Variants in CTNNA2 observed in about 807,000 individuals in gnomAD.
The protein encoded by CTNNA2 is catenin alpha-2.
CTNNA2 carries 42 observed loss-of-function variants against 101.0 expected under a neutral mutation model. The ratio of observed to expected loss-of-function variants is 0.42; its 90% confidence interval spans 0.32 to 0.54. CTNNA2 has a LOEUF of 0.54. CTNNA2 is among the 20% of genes least tolerant of loss of function. The pLI, the probability that CTNNA2 is intolerant of heterozygous loss-of-function variation, is 0.14. For synonymous variants in CTNNA2, 450 were observed against 456.4 expected (o/e 0.99, Z 0.18); for missense variants, 871 against 1,223.1 (o/e 0.71, Z 4.29).
intron 3 of CTNNA2, among the ~76,000 whole-genome samples, chr2:79,790,001 C>A (rs1675146464): frequency 6.6e-6 from 1 of 151,918 alleles, no homozygotes; most frequent in South Asian, 2.1e-4. Context: ...AAAAACAGAT[C>A]ATATGAATAA....
At chr2:79,232,225 T>G (rs1028024857) in intron 2 of CTNNA2, among the ~76,000 whole-genome samples, 2 of 152,198 alleles carry the variant, frequency 1.3e-5, no homozygotes, top group African/African-American at 4.8e-5. Context: ...TTTTGAGGTA[T>G]GTTTCTTCAA....
chr2:80,370,233 G>T (rs1335450433), intron 7 of CTNNA2, among the ~76,000 whole-genome samples: 2 of 150,660 alleles, frequency 1.3e-5, no homozygotes, highest in African/African-American at 4.9e-5. Flanking sequence ...AAAAAATATT[G>T]TATATGAACA....
At chr2:79,490,918 C>A (rs1039038295) in intron 4 of CTNNA2, among the ~76,000 whole-genome samples, 4 of 152,146 alleles carry the variant, frequency 2.6e-5, no homozygotes, top group African/African-American at 9.7e-5. Context: ...TTTCCCCATA[C>A]CCCATTGTGA....
chr2:79,509,684 G>A (rs369631753), upstream of CTNNA2, among the ~76,000 whole-genome samples: 4 of 152,210 alleles, frequency 2.6e-5, no homozygotes, highest in East Asian at 1.9e-4. Context: ...GATACATGTC[G>A]TTATACTTCT....
intron 4 of CTNNA2, among the ~76,000 whole-genome samples, chr2:79,440,239 A>G (rs1678762849): frequency 6.6e-6 from 1 of 152,166 alleles, no homozygotes; most frequent in Non-Finnish European, 1.5e-5. Flanking sequence ...GTATCCACTT[A>G]TGATTTGCTA....
At position 80,576,897 on chromosome 2, in the gene CTNNA2, C is replaced by T. The variant is rs560914473; in HGVS notation, c.1893+2583C>T. Among the ~76,000 whole-genome samples the T allele has an allele frequency of 4.9e-3, 746 of 151,498 alleles. 4 individuals carry two copies. The highest frequency in any genetic ancestry group is 7.5e-3 in the Non-Finnish European group (509 of 67,888). ...AGGAGAATTGCTTGAACCTGGGAGG[C>T]GGAGGTTACAGTTTAACTTCACGTC... On this transcript the variant is annotated intron_variant, in intron 13 of 18. Transcript: ENST00000402739.
intron 8 of CTNNA2, among the ~76,000 whole-genome samples, chr2:80,397,752 C>T (rs1678157962): frequency 6.6e-6 from 1 of 152,124 alleles, no homozygotes. Context: ...CAGACCAGTA[C>T]AGCACCCATG....
chr2:79,582,485 C>G (rs992919965), intron 1 of CTNNA2, among the ~76,000 whole-genome samples: 6 of 152,110 alleles, frequency 3.9e-5, no homozygotes, highest in Admixed American at 1.3e-4. Flanking sequence ...CATTTTATCT[C>G]CGCATGCTCA....
chr2:80,632,732 G>A (rs879880637), intron 18 of CTNNA2, among the ~76,000 whole-genome samples: 9 of 152,102 alleles, frequency 5.9e-5, no homozygotes, highest in East Asian at 3.9e-4. Context: ...CTGAGGCACC[G>A]AGGAGTTCTA....
At chr2:79,486,372 G>A (rs1671157702) in intron 4 of CTNNA2, among the ~76,000 whole-genome samples, 1 of 151,966 alleles carries the variant, frequency 6.6e-6, no homozygotes, top group South Asian at 2.1e-4. Context: ...ATGGTTTCCA[G>A]CTTCATCCAT....
intron 3 of CTNNA2, among the ~76,000 whole-genome samples, chr2:79,800,494 T>C (rs1320440516): frequency 3.3e-5 from 5 of 152,052 alleles, no homozygotes; most frequent in Non-Finnish European, 7.4e-5. Context: ...AATTGAAAAA[T>C]ACAGGAAATG....
intron 4 of CTNNA2, among the ~76,000 whole-genome samples, chr2:79,418,632 C>T (rs1403662908): frequency 1.3e-5 from 2 of 152,104 alleles, no homozygotes; most frequent in African/African-American, 2.4e-5. Context: ...CTCTCAGCAT[C>T]AGTATCTTTA....
intron 1 of CTNNA2, among the ~76,000 whole-genome samples, chr2:79,580,705 T>C (rs1248749394): frequency 6.6e-6 from 1 of 152,176 alleles, no homozygotes. Context: ...TATAAGGAAA[T>C]GTATGAAGAC....
At position 79,884,810 on chromosome 2, in the gene CTNNA2, G is replaced by A. The variant is rs189822501; in HGVS notation, c.852+10468G>A. ...AATTCTCTTTCCGATCTGGTATTCA[G>A]TGGATGGAAATATTGGAATGTTAAC... On this transcript the variant is annotated intron_variant, in intron 6 of 18. Coordinates refer to ENST00000402739, the MANE Select transcript of CTNNA2 (RefSeq NM_001282597.3). Among the ~76,000 whole-genome samples the A allele has an allele frequency of 3.3e-3, 487 of 148,190 alleles. 3 individuals carry two copies. The highest frequency in any genetic ancestry group is 0.012 in the African/African-American group (460 of 39,990).
intron 3 of CTNNA2, among the ~76,000 whole-genome samples, chr2:79,821,792 T>A (rs1268365038): frequency 2.0e-5 from 3 of 152,062 alleles, no homozygotes; most frequent in Non-Finnish European, 4.4e-5. Context: ...AAGAACCTGG[T>A]TGGAATGTTT....
chr2:79,413,777 T>C (rs1009074908), intron 4 of CTNNA2, among the ~76,000 whole-genome samples: 38 of 152,052 alleles, frequency 2.5e-4, no homozygotes, highest in African/African-American at 8.4e-4. Flanking sequence ...TATGAGGTGA[T>C]ATCTCATTGT....
chr2:79,376,677 T>G (rs1677979730), intron 4 of CTNNA2, among the ~76,000 whole-genome samples: 3 of 152,078 alleles, frequency 2.0e-5, no homozygotes, highest in African/African-American at 7.2e-5. Flanking sequence ...GATGTTCCCC[T>G]TGCTGTGTCC....
chr2:80,612,078 A>C (rs216676), intron 17 of CTNNA2, among the ~76,000 whole-genome samples: 16,678 of 151,574 alleles, frequency 0.11, 1,091 homozygotes, highest in African/African-American at 0.18. Flanking sequence ...GAGATTGAGA[A>C]GCTTGCCCTA....
intron 18 of CTNNA2, among the ~76,000 whole-genome samples, chr2:80,640,176 C>T (rs1223479497): frequency 1.3e-5 from 2 of 152,092 alleles, no homozygotes; most frequent in South Asian, 2.1e-4. Flanking sequence ...TCAAACAATT[C>T]AAATACAGAA....
Sources: gnomAD v4.1 joint callset for allele counts (sites outside exome capture counted in the v4.1 genomes callset) on GRCh38, gnomAD v4.1.1 for gene constraint, MANE v1.5 for transcripts, NCBI Gene and HGNC (gene_info 2026-07-23, HGNC 2026-07-21) for gene names.